Variants in LINGO2 observed in about 807,000 individuals in gnomAD.
The protein encoded by LINGO2 is leucine rich repeat and Ig domain containing 2.
LINGO2 carries 14 observed loss-of-function variants against 30.6 expected under a neutral mutation model. The ratio of observed to expected loss-of-function variants is 0.46; its 90% CI spans 0.30 to 0.72. The LOEUF is 0.72. LINGO2 is among the 30% of genes least tolerant of loss of function. The probability of loss-of-function intolerance (pLI) is 0.07; values close to 1 mark genes in which losing one functional copy is unlikely to be tolerated. For synonymous variants in LINGO2, 317 were observed against 288.5 expected, an observed-to-expected ratio of 1.10 and a Z score of -1.00; for missense variants, 729 against 751.7, an observed-to-expected ratio of 0.97 and a Z score of 0.35.
the LINGO2 span, among the ~76,000 whole-genome samples, chr9:28,925,485 C>G: frequency 3.3e-5 from 5 of 152,134 alleles, no homozygotes; most frequent in Non-Finnish European, 7.3e-5. Context: ...GTGGGTAATA[C>G]CCCATGCAAA....
At chr9:28,301,530 G>A (rs1824142978) in intron 3 of LINGO2, among the ~76,000 whole-genome samples, 1 of 152,118 alleles carries the variant, frequency 6.6e-6, no homozygotes, top group East Asian at 1.9e-4. Context: ...GAGTGAGACT[G>A]GAGATTCTGA....
chr9:28,175,825 G>A (rs540284086), intron 4 of LINGO2, among the ~76,000 whole-genome samples: 1 of 152,182 alleles, frequency 6.6e-6, no homozygotes, highest in Non-Finnish European at 1.5e-5. Flanking sequence ...TTAGGTGTTT[G>A]ATTTATGTAT....
chr9:28,090,375 G>T (rs1375161758), intron 4 of LINGO2, among the ~76,000 whole-genome samples: 2 of 152,064 alleles, frequency 1.3e-5, no homozygotes, highest in African/African-American at 4.8e-5. Flanking sequence ...ATGATCAAGT[G>T]GGCTTCATCT....
chr9:28,558,875 C>T (rs891958872), intron 1 of LINGO2, among the ~76,000 whole-genome samples: 6 of 151,640 alleles, frequency 4.0e-5, no homozygotes, highest in Non-Finnish European at 8.8e-5. Flanking sequence ...AAGTGGTATT[C>T]CCAAAAAAAG....
intron 5 of LINGO2, among the ~76,000 whole-genome samples, chr9:27,960,414 A>G (rs970094715): frequency 6.6e-6 from 1 of 152,166 alleles, no homozygotes; most frequent in African/African-American, 2.4e-5. Flanking sequence ...TAAACAGACA[A>G]TATTTGCTTT....
chr9:29,006,756 T>C, the LINGO2 span, among the ~76,000 whole-genome samples: 2 of 152,060 alleles, frequency 1.3e-5, no homozygotes, highest in Admixed American at 6.6e-5. Flanking sequence ...CGTATCACCT[T>C]ACATGATCAA....
At chr9:29,094,116 C>G in the LINGO2 span, among the ~76,000 whole-genome samples, 1 of 138,572 alleles carries the variant, frequency 7.2e-6, no homozygotes, top group Non-Finnish European at 1.6e-5. Flanking sequence ...TCTGAGTAAG[C>G]TGACATAATG....
intron 3 of LINGO2, among the ~76,000 whole-genome samples, chr9:28,366,421 T>G (rs1820680181): frequency 6.6e-6 from 1 of 152,226 alleles, no homozygotes; most frequent in South Asian, 2.1e-4. Context: ...GAGCTGGATA[T>G]GTTTTCTTGA....
At chr9:28,589,739 T>C (rs939865483) in intron 1 of LINGO2, among the ~76,000 whole-genome samples, 43 of 151,850 alleles carry the variant, frequency 2.8e-4, no homozygotes, top group African/African-American at 9.9e-4. Flanking sequence ...AGGTAATTTA[T>C]AGATTCAATG....
rs143391713 is a variant in LINGO2, at chr9:28,253,125, G to C, written c.-87+42083C>G. On this transcript the variant is annotated intron_variant, in intron 4 of 5. Coordinates refer to ENST00000379992, the Ensembl canonical transcript of LINGO2. ...TCAATAAACAGGTGGGAAAGACAAG[G>C]CAGAGAAAAATTAATGGATGTTTTC... Among the ~76,000 whole-genome samples the C allele has an allele frequency of 8.4e-3, 1,270 of 152,050 alleles. 9 individuals are homozygous for C. The highest frequency in any genetic ancestry group is 0.031 in the Middle Eastern group (9 of 294).
the LINGO2 span, among the ~76,000 whole-genome samples, chr9:28,836,516 A>G: frequency 1.3e-5 from 2 of 151,950 alleles, no homozygotes; most frequent in Admixed American, 6.6e-5. Flanking sequence ...GGGTTTCTCC[A>G]TGTTGGTCAG....
At chr9:28,874,432 A>G in the LINGO2 span, among the ~76,000 whole-genome samples, 47 of 152,242 alleles carry the variant, frequency 3.1e-4, no homozygotes, top group South Asian at 8.1e-3. Flanking sequence ...TTTGTTAACT[A>G]TCGAGCACTG....
chr9:29,072,611 T>TTATATA, the LINGO2 span, among the ~76,000 whole-genome samples: 31 of 140,326 alleles, frequency 2.2e-4, no homozygotes, highest in African/African-American at 2.6e-4. Context: ...TGTCTCTCTT[T>TTATATA]GATATATATA....
chr9:29,081,398 C>T, the LINGO2 span, among the ~76,000 whole-genome samples: 17 of 152,152 alleles, frequency 1.1e-4, no homozygotes, highest in Admixed American at 4.6e-4. Context: ...ATGCTATAAA[C>T]GCTCAATAAA....
chr9:28,143,304 T>C (rs995849539), intron 4 of LINGO2, among the ~76,000 whole-genome samples: 4 of 152,198 alleles, frequency 2.6e-5, no homozygotes, highest in Admixed American at 6.5e-5. Flanking sequence ...GCACAAATGG[T>C]AAGTCAAATG....
At chr9:28,402,866 C>A (rs1822329762) in intron 2 of LINGO2, among the ~76,000 whole-genome samples, 3 of 152,022 alleles carry the variant, frequency 2.0e-5, no homozygotes. Flanking sequence ...ACACTTTTAG[C>A]CTTTTCATTG....
At chr9:28,781,430 G>C in the LINGO2 span, among the ~76,000 whole-genome samples, 1 of 152,152 alleles carries the variant, frequency 6.6e-6, no homozygotes, top group Non-Finnish European at 1.5e-5. Flanking sequence ...GCTCCATAAA[G>C]ATAGCACGCT....
the LINGO2 span, among the ~76,000 whole-genome samples, chr9:29,179,710 G>A: frequency 2.6e-5 from 4 of 152,270 alleles, no homozygotes; most frequent in Middle Eastern, 6.8e-3. Flanking sequence ...TGGCCCATGA[G>A]CACTTATTTC....
chr9:28,744,888 G>C, the LINGO2 span, among the ~76,000 whole-genome samples: 1 of 151,744 alleles, frequency 6.6e-6, no homozygotes, highest in Non-Finnish European at 1.5e-5. Flanking sequence ...ACTCACCAAG[G>C]CCTCCCAAAG....
Sources: gnomAD v4.1 joint callset for allele counts (sites outside exome capture counted in the v4.1 genomes callset) on GRCh38, gnomAD v4.1.1 for gene constraint, MANE v1.5 for transcripts, NCBI Gene and HGNC (gene_info 2026-07-23, HGNC 2026-07-21) for gene names.